Variants in CEP104 observed in about 807,000 individuals in gnomAD.
CEP104 encodes centrosomal protein of 104 kDa.
Under a neutral mutation model 113.3 loss-of-function variants are expected in CEP104, and 84 were observed. The ratio of observed to expected loss-of-function variants is 0.74; its 90% CI spans 0.62 to 0.89. CEP104 has a LOEUF of 0.89. Among genes scored for constraint, CEP104 ranks in the 40% least tolerant of loss-of-function variants. The probability of loss-of-function intolerance (pLI) is 0.00; values close to 1 mark genes in which losing one functional copy is unlikely to be tolerated. For missense variants in CEP104, 1,053 were observed against 1,156.6 expected (o/e 0.91, Z 1.30); for synonymous variants, 378 against 421.7 (o/e 0.90, Z 1.27).
At chr1:3,834,825 A>G (rs965474718) in intron 11 of CEP104, 100 bp downstream of exon 11, 1 of 1,113,242 alleles carries the variant, frequency 9.0e-7, no homozygotes, top group Admixed American at 2.6e-5. Context: ...GACCACGTCA[A>G]TGACCAACTG....
chr1:3,813,289 C>T lies in CEP104; in HGVS notation c.*2113G>A, dbSNP rs1344918865. The stretch of plus-strand genomic sequence containing the variant: ...TTTTCGAGACGGAGTCTCGCTCTGT[C>T]GCCTGGGCTGGAGTGCAATGGCATG... On this transcript the variant is annotated 3_prime_UTR_variant, in exon 22 of 22. Transcript: ENST00000378230. 2 of 147,668 alleles carry T rather than the reference C, an allele frequency of 1.4e-5. No individual in the cohort carries two copies. Among genetic ancestry groups the T allele is most frequent in the Non-Finnish European group, 3.0e-5 (2 of 67,534 alleles). 9.1% of individuals were successfully genotyped at this position (147,668 alleles called of 1,614,324 possible).
intron 1 of CEP104, among the ~76,000 whole-genome samples, chr1:3,856,237 C>G (rs566886291): frequency 1.3e-5 from 2 of 152,094 alleles, no homozygotes; most frequent in Non-Finnish European, 2.9e-5. Context: ...GGTGAAACCC[C>G]GTCTCTACTA....
At chr1:3,837,247 A>G (rs1644331342) in intron 9 of CEP104, 45 bp downstream of exon 9, 3 of 1,504,792 alleles carry the variant, frequency 2.0e-6, no homozygotes, top group Non-Finnish European at 2.7e-6. Context: ...GTCCTTTACA[A>G]ATACCCAAAT....
intron 8 of CEP104, among the ~76,000 whole-genome samples, chr1:3,838,538 G>A (rs1644356766): frequency 6.6e-6 from 1 of 152,176 alleles, no homozygotes; most frequent in African/African-American, 2.4e-5. Context: ...CCATTTGCAT[G>A]AGTTCTAAAA....
chr1:3,816,451 T>C, intron 20 of CEP104, 81 bp from the exon 21 acceptor site: 1 of 1,216,616 alleles, frequency 8.2e-7, no homozygotes, highest in East Asian at 2.6e-5. Context: ...GGACTCGCTG[T>C]GTAAGCTGAA....
rs1295086741 is a variant in CEP104 at position 3,816,350 on chromosome 1, C to A, written c.2592G>T (p.Met864Ile). The A allele has an allele frequency of 1.3e-6, 2 of 1,552,598 alleles. No homozygotes were observed. Among genetic ancestry groups the A allele is most frequent in the East Asian group, 4.9e-5 (2 of 41,082 alleles). The change falls in exon 21 of 22, where the codon ATG becomes ATT. Residue 864 changes from methionine to isoleucine, a missense_variant. Transcript: ENST00000378230. ...PGEEAWKAHL[M>I]GPAGCTMNLR... ...GGTTCATCGTGCAGCCGGCTGGGCC[C>A]ATCAGGTGAGCTTTCCATGCCTGCA...
chr1:3,856,515 G>A (rs140260649), intron 1 of CEP104, among the ~76,000 whole-genome samples: 2,188 of 152,342 alleles, frequency 0.014, 39 homozygotes, highest in South Asian at 0.071. Flanking sequence ...TCTCTATAGG[G>A]ACAGAGCAAT....
chr1:3,852,719 A>G (rs1644638101), intron 1 of CEP104, among the ~76,000 whole-genome samples: 1 of 152,162 alleles, frequency 6.6e-6, no homozygotes. Context: ...CACGTGTGGT[A>G]CCCGTGAAGG....
chr1:3,839,646 C>T lies in CEP104; in HGVS notation c.697G>A (p.Ala233Thr). ...EAVQKERYDYAKKLKQAIADL... is the reference protein window; with the variant it reads ...EAVQKERYDYTKKLKQAIADL... ...GCAATGGCTTGTTTTAGTTTCTTGG[C>T]ATAATCATAGCGTTCCTTTTGGACA... The change falls in exon 7 of 22, where the codon GCC becomes ACC. Residue 233 changes from alanine to threonine, a missense_variant. Coordinates refer to ENST00000378230, the MANE Select transcript of CEP104 (RefSeq NM_014704.4). The T allele has an allele frequency of 3.1e-6, 5 of 1,613,492 alleles. No homozygotes were observed. The highest frequency in any genetic ancestry group is 4.2e-6 in the Non-Finnish European group (5 of 1,179,830).
At chr1:3,841,933 G>A (rs1203228869) in intron 6 of CEP104, among the ~76,000 whole-genome samples, 2 of 152,234 alleles carry the variant, frequency 1.3e-5, no homozygotes, top group Non-Finnish European at 2.9e-5. Context: ...TCTTTGTGGA[G>A]AGGCTGGCAG....
chr1:3,847,402 A>T, intron 4 of CEP104, 73 bp downstream of exon 4: 1 of 1,381,026 alleles, frequency 7.2e-7, no homozygotes. Flanking sequence ...TGCATCTAAG[A>T]AAAGATACGT....
In CEP104 at chr1:3,829,819, T is replaced by C. The variant is rs147682501; in HGVS notation, c.2015A>G (p.Asp672Gly). 39 of 1,614,236 alleles carry C rather than the reference T, an allele frequency of 2.4e-5. No homozygotes were observed. The African/African-American group carries it at 5.1e-4, about 21-fold the overall frequency. The change falls in exon 14 of 22, where the codon GAT becomes GGT. Residue 672 changes from aspartate to glycine, a missense_variant. By Grantham distance (94) the Asp-to-Gly change is moderately conservative (BLOSUM62 -1). Transcript: ENST00000378230. ...CATCTCAGCATCTGTAGCTCTGCCA[T>C]CTATTTTAGCAAATCCCTCAAAAAT... is the stretch of plus-strand genomic sequence containing the variant. ...KTIFEGFAKI[D>G]GRATDAEMRA... is the part of the protein sequence containing the mutation.
At chr1:3,844,834 T>C (rs757480760) in intron 6 of CEP104, 73 bp downstream of exon 6, 35 of 1,285,074 alleles carry the variant, frequency 2.7e-5, no homozygotes, top group Non-Finnish European at 3.9e-5. Flanking sequence ...CCAGAATCCT[T>C]TGGAAATGAC....
intron 2 of CEP104, among the ~76,000 whole-genome samples, chr1:3,851,901 T>TA (rs1644618428): frequency 6.6e-6 from 1 of 152,006 alleles, no homozygotes; most frequent in Non-Finnish European, 1.5e-5. Context: ...TAAAAACAGT[T>TA]AGACACACAC....
rs1193996231 is a variant in CEP104 at position 3,812,367 on chromosome 1, TACTC to T, written c.*3031_*3034del. ...AAATAAATATTAAATATTCAGAACA[TACTC>T]ATGAGTGAAAATTCAATTAATTAGT... On this transcript the variant is annotated 3_prime_UTR_variant, in exon 22 of 22. Transcript: ENST00000378230. 2 of 152,156 alleles carry T rather than the reference TACTC, an allele frequency of 1.3e-5. No individual in the cohort carries two copies. Among genetic ancestry groups the T allele is most frequent in the Admixed American group, 6.5e-5 (1 of 15,284 alleles). The allele number at this position is 152,156 out of a possible 1,614,324, so 9.4% of individuals were successfully genotyped here.
rs891514714 is a variant in CEP104, at chr1:3,839,223, G to T, written c.736-104C>A. Reference sequence around the variant, plus strand: ...CGCGTGAACCGTCTTGCAAGGAGAGGGAGTGAGCACAGGGAAATGGAAGGA... The same window carrying T: ...CGCGTGAACCGTCTTGCAAGGAGAGTGAGTGAGCACAGGGAAATGGAAGGA... On this transcript the variant is annotated intron_variant, in intron 7 of 21. Transcript: ENST00000378230. The T allele has an allele frequency of 1.3e-5, 13 of 1,019,328 alleles. No individual in the cohort carries two copies. In the Admixed American group the frequency reaches 2.2e-4, roughly 17 times the overall value. The allele number at this position is 1,019,328 out of a possible 1,614,324, so 63.1% of individuals were successfully genotyped here.
intron 12 of CEP104, among the ~76,000 whole-genome samples, chr1:3,832,312 T>C (rs1380315476): frequency 6.7e-6 from 1 of 148,850 alleles, no homozygotes; most frequent in Non-Finnish European, 1.5e-5. Flanking sequence ...GTATTGTAGG[T>C]CGTAACCAGG....
intron 21 of CEP104, 197 bp downstream of exon 21, chr1:3,816,083 G>A: frequency 1.9e-6 from 1 of 537,274 alleles, no homozygotes; most frequent in East Asian, 3.2e-5. Context: ...GTTTGCAGGT[G>A]GAGAAGGATT....
intron 5 of CEP104, 129 bp downstream of exon 5, chr1:3,845,160 T>C (rs1644484950): frequency 1.2e-6 from 1 of 857,668 alleles, no homozygotes; most frequent in Admixed American, 2.5e-5. Flanking sequence ...CTAAAAATCA[T>C]CTGAAAGTTA....
Sources: allele counts gnomAD v4.1 joint callset (sites outside exome capture counted in the v4.1 genomes callset), GRCh38; gene constraint gnomAD v4.1.1; transcripts MANE v1.5; gene names NCBI Gene and HGNC (gene_info 2026-07-23, HGNC 2026-07-21).